The following SRPK2 variants were observed in gnomAD, a reference collection of about 807,000 sequenced individuals.
The protein encoded by SRPK2 is SRSF protein kinase 2.
A neutral mutation model predicts 90.8 loss-of-function variants in SRPK2; 21 were observed. The observed-to-expected ratio is 0.23, with a 90% CI of 0.16 to 0.33. SRPK2 has a LOEUF of 0.33. SRPK2 is among the 10% of genes least tolerant of loss of function. The pLI, the probability that SRPK2 is intolerant of heterozygous loss-of-function variation, is 1.00. For synonymous variants in SRPK2, 288 were observed against 311.1 expected (o/e 0.93, Z 0.78); for missense variants, 620 against 869.0 (o/e 0.71, Z 3.60).
rs955089468 is a variant in SRPK2 at position 105,291,166 on chromosome 7, C to T, written c.72-87381G>A. On this transcript the variant is annotated intron_variant, in intron 2 of 15. Transcript: ENST00000393651. ...TGAGTGGTTTTGGTGGCTGGCAGGA[C>T]TTAAGTCGGTACTGGTAAGAAATGA... Among the ~76,000 whole-genome samples the T allele has an allele frequency of 3.9e-5, 6 of 151,954 alleles. No homozygotes were observed. In the East Asian group the frequency reaches 1.2e-3, roughly 29 times the overall value.
At chr7:105,333,577 C>T (rs192761286) in intron 2 of SRPK2, among the ~76,000 whole-genome samples, 6 of 152,234 alleles carry the variant, frequency 3.9e-5, no homozygotes, top group Admixed American at 3.9e-4. Context: ...CTCCATATTC[C>T]CTGAAAAGTA....
Position 105,214,211 on chromosome 7 carries a change from G to C in SRPK2, c.72-10426C>G, listed in dbSNP as rs533212876. Among the ~76,000 whole-genome samples the C allele has an allele frequency of 3.9e-5, 6 of 152,264 alleles. No individual in the cohort carries two copies. The South Asian group carries it at 1.2e-3, about 32-fold the overall frequency. ...AATGCTGCAGGCTCTAGATGCTGTA[G>C]CACTGCTCTAGGCATTTTTTTAAGG... On this transcript the variant is annotated intron_variant, in intron 2 of 15. Coordinates refer to ENST00000393651, the MANE Select transcript of SRPK2 (RefSeq NM_182692.3).
intron 3 of SRPK2, among the ~76,000 whole-genome samples, chr7:105,188,850 C>T (rs1245941182): frequency 6.6e-6 from 1 of 152,164 alleles, no homozygotes; most frequent in Non-Finnish European, 1.5e-5. Flanking sequence ...AAGAATCAAA[C>T]ATGCCTGGGC....
At chr7:105,247,513 AAAACACACACACACATAAACACACAC>A (rs1801830175) in intron 2 of SRPK2, among the ~76,000 whole-genome samples, 1 of 88,340 alleles carries the variant, frequency 1.1e-5, no homozygotes, top group African/African-American at 4.0e-5. Flanking sequence ...TACATACCAA[AAAACACACACACACATAAACACACAC>A]ACACACACAC....
chr7:105,203,724 G>C lies in SRPK2; in HGVS notation c.133C>G (p.Pro45Ala). The C allele has an allele frequency of 6.4e-7, 1 of 1,572,882 alleles. No homozygotes were observed. The highest frequency in any genetic ancestry group is 1.2e-5 in the South Asian group (1 of 84,988). ...GGTGTGGGGTCTGGCAAAGGTGGCG[G>C]TGGTGGTGGTGGTGGCGGTGGAGGA... ...PPPPPPPPPP[P>A]PPLPDPTPPE... is the part of the protein sequence containing the mutation. Residue 45 changes from proline to alanine, a missense_variant, in exon 3 of 16, where the codon CCG becomes GCG. This residue lies in a region of SRPK2 where 196 missense variants were observed against 339.2 expected (regional missense o/e 0.58). Coordinates refer to ENST00000393651, the MANE Select transcript of SRPK2 (RefSeq NM_182692.3).
At chr7:105,363,179 A>G (rs1818632346) in intron 2 of SRPK2, among the ~76,000 whole-genome samples, 1 of 152,026 alleles carries the variant, frequency 6.6e-6, no homozygotes, top group Non-Finnish European at 1.5e-5. Context: ...TAGAACTTAA[A>G]GTATAATAAA....
intron 2 of SRPK2, among the ~76,000 whole-genome samples, chr7:105,302,380 A>G (rs1810652088): frequency 6.6e-6 from 1 of 152,218 alleles, no homozygotes; most frequent in Non-Finnish European, 1.5e-5. Flanking sequence ...GTTAATTTAT[A>G]TGATCTTATC....
intron 2 of SRPK2, chr7:105,306,591 T>G: frequency 4.8e-6 from 2 of 417,470 alleles, no homozygotes; most frequent in Non-Finnish European, 9.3e-6. Context: ...GAAAAAACAG[T>G]CATGAAGAAA....
intron 2 of SRPK2, among the ~76,000 whole-genome samples, chr7:105,383,080 T>TTTTTTTTTTG: frequency 7.2e-6 from 1 of 138,690 alleles, no homozygotes; most frequent in African/African-American, 2.6e-5. Context: ...TTTTTTTTTT[T>TTTTTTTTTTG]TGGAGACAGA....
chr7:105,160,889 G>A (rs745675711), intron 6 of SRPK2, among the ~76,000 whole-genome samples: 55 of 152,180 alleles, frequency 3.6e-4, no homozygotes, highest in Non-Finnish European at 4.7e-4. Flanking sequence ...CAGTAAACTG[G>A]TGTAGTATAT....
intron 7 of SRPK2, among the ~76,000 whole-genome samples, chr7:105,155,139 C>A (rs1009402656): frequency 1.3e-5 from 2 of 152,096 alleles, no homozygotes; most frequent in Non-Finnish European, 2.9e-5. Context: ...TGCCACCACT[C>A]CCAGCTAATT....
rs752689186 is a variant in SRPK2, at chr7:105,262,290, G to A, written c.72-58505C>T. Among the ~76,000 whole-genome samples the A allele has an allele frequency of 1.8e-4, 27 of 152,120 alleles. 1 individual carries two copies. The highest frequency in any genetic ancestry group is 3.3e-4 in the Admixed American group (5 of 15,264). On this transcript the variant is annotated intron_variant, in intron 2 of 15. Coordinates refer to ENST00000393651, the MANE Select transcript of SRPK2 (RefSeq NM_182692.3). ...ACACTACACTTTTATTTAGGTATAT[G>A]ATACATAAATTTTAGAGACTAGGAA... is the stretch of plus-strand genomic sequence containing the variant.
At chr7:105,383,657 A>T (rs1210199780) in intron 2 of SRPK2, among the ~76,000 whole-genome samples, 1 of 151,922 alleles carries the variant, frequency 6.6e-6, no homozygotes, top group African/African-American at 2.4e-5. Flanking sequence ...TGACCTCGTG[A>T]TCCGCCCACC....
At chr7:105,276,148 G>A (rs1164755351) in intron 2 of SRPK2, among the ~76,000 whole-genome samples, 1 of 151,746 alleles carries the variant, frequency 6.6e-6, no homozygotes, top group Non-Finnish European at 1.5e-5. Context: ...GTGGTGCAAC[G>A]ATAGCTCACT....
At chr7:105,166,034 C>T (rs937863287) in intron 6 of SRPK2, among the ~76,000 whole-genome samples, 2 of 152,092 alleles carry the variant, frequency 1.3e-5, no homozygotes, top group Non-Finnish European at 2.9e-5. Flanking sequence ...GACCAAGAAC[C>T]CACCAGAAGG....
At chr7:105,395,263 G>A (rs1304131023) in intron 1 of SRPK2, among the ~76,000 whole-genome samples, 2 of 152,014 alleles carry the variant, frequency 1.3e-5, no homozygotes, top group African/African-American at 4.8e-5. Flanking sequence ...TCCAAAGCAA[G>A]AGGATTGCTT....
intron 6 of SRPK2, among the ~76,000 whole-genome samples, chr7:105,166,432 A>G (rs1456028474): frequency 6.6e-6 from 1 of 152,244 alleles, no homozygotes; most frequent in Admixed American, 6.5e-5. Context: ...TTAAAAGTTC[A>G]TATTTTTTTC....
chr7:105,396,774 AAG>A (rs1554535222), intron 1 of SRPK2, among the ~76,000 whole-genome samples: 21 of 139,170 alleles, frequency 1.5e-4, no homozygotes, highest in African/African-American at 3.1e-4. Flanking sequence ...GAGAGAAAGA[AAG>A]AGAGAGAAAG....
At chr7:105,134,546 G>T (rs1802519656) in intron 11 of SRPK2, among the ~76,000 whole-genome samples, 1 of 152,224 alleles carries the variant, frequency 6.6e-6, no homozygotes, top group African/African-American at 2.4e-5. Context: ...CACCTACCTA[G>T]GAGAGCCCCT....
Sources: allele counts gnomAD v4.1 joint callset (sites outside exome capture counted in the v4.1 genomes callset), GRCh38; gene constraint gnomAD v4.1.1; regional missense constraint gnomAD v4.1.1; transcripts MANE v1.5; gene names NCBI Gene and HGNC (gene_info 2026-07-23, HGNC 2026-07-21).